The following GABRA1 variants were observed in gnomAD, a reference collection of about 807,000 sequenced individuals.
GABRA1 encodes gamma-aminobutyric acid receptor subunit alpha-1.
A neutral mutation model predicts 48.9 loss-of-function variants in GABRA1; 9 were observed. The observed-to-expected ratio is 0.18, with a 90% CI of 0.11 to 0.32. GABRA1 has a LOEUF of 0.32. Ranked by LOEUF, GABRA1 falls within the 10% of genes least tolerant of loss-of-function variation. The pLI, the probability that GABRA1 is intolerant of heterozygous loss-of-function variation, is 1.00. For synonymous variants in GABRA1, 210 were observed against 198.7 expected (o/e 1.06, Z -0.48); for missense variants, 285 against 553.8 (o/e 0.51, Z 4.87).
intron 6 of GABRA1, among the ~76,000 whole-genome samples, chr5:161,877,134 C>G (rs971662560): frequency 6.6e-6 from 1 of 152,112 alleles, no homozygotes; most frequent in African/African-American, 2.4e-5. Context: ...GTGGTATAGA[C>G]AGGGTCTAGC....
intron 7 of GABRA1, among the ~76,000 whole-genome samples, chr5:161,887,034 A>G (rs1038788094): frequency 3.3e-5 from 5 of 152,206 alleles, no homozygotes; most frequent in African/African-American, 1.2e-4. Context: ...CACGAAGCAT[A>G]ACAATATCAG....
intron 1 of GABRA1, chr5:161,850,382 C>T (rs1056299888): frequency 7.7e-6 from 3 of 390,898 alleles, no homozygotes; most frequent in African/African-American, 6.2e-5. Flanking sequence ...CTGTTAGAGA[C>T]ACCAGCTTAA....
intron 7 of GABRA1, among the ~76,000 whole-genome samples, chr5:161,884,000 C>T (rs1377876119): frequency 3.3e-5 from 5 of 152,006 alleles, no homozygotes; most frequent in South Asian, 2.1e-4. Flanking sequence ...CTGATCTTGT[C>T]GCTTAGAAGC....
At chr5:161,872,504 T>C (rs1727133068) in intron 4 of GABRA1, among the ~76,000 whole-genome samples, 3 of 148,198 alleles carry the variant, frequency 2.0e-5, no homozygotes, top group Admixed American at 2.0e-4. Context: ...GGATTCAAAT[T>C]ACCAGTAGAA....
intron 2 of GABRA1, 23 bp downstream of exon 2, chr5:161,850,907 C>A (rs775617494): frequency 5.0e-5 from 79 of 1,592,762 alleles, no homozygotes; most frequent in Non-Finnish European, 6.5e-5. Flanking sequence ...TTTTAAAAAT[C>A]TGCATGAAAA....
chr5:161,884,922 A>G (rs894699467), intron 7 of GABRA1, among the ~76,000 whole-genome samples: 1 of 152,138 alleles, frequency 6.6e-6, no homozygotes, highest in African/African-American at 2.4e-5. Context: ...TTGGCTTTCA[A>G]GGGATTCAAC....
chr5:161,848,337 C>T lies in GABRA1; in HGVS notation c.-101C>T, dbSNP rs1466171067. On this transcript the variant is annotated 5_prime_UTR_variant, in exon 1 of 10. Coordinates refer to ENST00000393943, the MANE Select transcript of GABRA1 (RefSeq NM_001127644.2). ...GCGCGCCCGGACTCGGACTCGCAGA[C>T]TCGCGCTGGCTCCAGTCTCTCCACG... The T allele has an allele frequency of 6.6e-6, 1 of 152,516 alleles. No individual in the cohort carries two copies. The highest frequency in any genetic ancestry group is 6.5e-5 in the Admixed American group (1 of 15,294). The allele number at this position is 152,516 out of a possible 1,614,324, so 9.4% of individuals were successfully genotyped here.
rs747892371 is a variant in GABRA1 at position 161,897,408 on chromosome 5, A to G, written c.1357A>G (p.Thr453Ala). 2 of 1,613,696 alleles carry G rather than the reference A, an allele frequency of 1.2e-6. No homozygotes were observed. Among genetic ancestry groups the G allele is most frequent in the African/African-American group, 1.3e-5 (1 of 74,914 alleles). The change falls in exon 10 of 10, where the codon ACA (threonine) becomes GCA (alanine). Residue 453 changes from threonine to alanine, a missense_variant. Thr to Ala is a moderately conservative substitution (Grantham distance 58, BLOSUM62 0). Transcript: ENST00000393943. ...LNREPQLKAP[T>A]PHQ ...CAGAGAGCCTCAGCTAAAAGCCCCC[A>G]CACCACATCAATAGATCTTTTACTC...
At chr5:161,852,237 TA>T (rs1757473032) in intron 2 of GABRA1, among the ~76,000 whole-genome samples, 1 of 152,032 alleles carries the variant, frequency 6.6e-6, no homozygotes. Context: ...AAAACATTTG[TA>T]AGACAAAACC....
At chr5:161,876,482 C>G (rs1754360133) in intron 6 of GABRA1, among the ~76,000 whole-genome samples, 1 of 152,066 alleles carries the variant, frequency 6.6e-6, no homozygotes, top group African/African-American at 2.4e-5. Flanking sequence ...GACAGGCAGT[C>G]TAAATGACTA....
chr5:161,879,936 A>C (rs1333200567), intron 6 of GABRA1, among the ~76,000 whole-genome samples: 1 of 152,216 alleles, frequency 6.6e-6, no homozygotes, highest in Non-Finnish European at 1.5e-5. Flanking sequence ...ACTTTTGCTA[A>C]CAGCAGTGCA....
intron 4 of GABRA1, among the ~76,000 whole-genome samples, chr5:161,867,277 A>G (rs1396660543): frequency 2.0e-5 from 3 of 152,134 alleles, no homozygotes; most frequent in African/African-American, 7.2e-5. Flanking sequence ...TTTTATAGTT[A>G]AGAATGCTTA....
chr5:161,870,333 G>C (rs1446132666), intron 4 of GABRA1, among the ~76,000 whole-genome samples: 8 of 151,982 alleles, frequency 5.3e-5, no homozygotes, highest in Non-Finnish European at 1.0e-4. Flanking sequence ...AGGCCGAGGC[G>C]GGCGGATCAC....
chr5:161,887,538 TGA>T (rs1167145160), intron 7 of GABRA1, among the ~76,000 whole-genome samples: 1 of 152,156 alleles, frequency 6.6e-6, no homozygotes, highest in Admixed American at 6.6e-5. Context: ...AGAACTATAA[TGA>T]GTGTCCCCTT....
Position 161,850,942 on chromosome 5 carries a change from A to AT in GABRA1, c.74+59dup, listed in dbSNP as rs574100093. ...ATTTCTGTAACTTTTCATTTATTTT[A>AT]TCGGGGGAAGAAAATTGTCCTCAAA... On this transcript the variant is annotated intron_variant, in intron 2 of 9. Coordinates refer to ENST00000393943, the MANE Select transcript of GABRA1 (RefSeq NM_001127644.2). The AT allele has an allele frequency of 9.4e-4, 1,341 of 1,430,702 alleles. 22 individuals carry two copies. In the South Asian group the frequency reaches 0.015, roughly 16 times the overall value. 88.6% of individuals were successfully genotyped at this position (1,430,702 alleles called of 1,614,324 possible).
At chr5:161,875,127 A>T (rs1341174923) in intron 5 of GABRA1, among the ~76,000 whole-genome samples, 1 of 152,170 alleles carries the variant, frequency 6.6e-6, no homozygotes, top group Non-Finnish European at 1.5e-5. Flanking sequence ...TTTTAGAGAA[A>T]GAAGCAGAGA....
chr5:161,862,928 C>A (rs1188787552), intron 3 of GABRA1, among the ~76,000 whole-genome samples: 3 of 151,814 alleles, frequency 2.0e-5, no homozygotes, highest in South Asian at 2.1e-4. Flanking sequence ...CGAGAAAAAT[C>A]AGTTTAAATC....
intron 6 of GABRA1, chr5:161,881,696 C>T (rs748325082): frequency 6.6e-6 from 1 of 152,082 alleles, no homozygotes; most frequent in African/African-American, 2.4e-5. Context: ...GCTACTGCCT[C>T]TAACCTCATT....
At chr5:161,886,223 G>C (rs1754838640) in intron 7 of GABRA1, among the ~76,000 whole-genome samples, 1 of 152,096 alleles carries the variant, frequency 6.6e-6, no homozygotes, top group Non-Finnish European at 1.5e-5. Context: ...AGGCATCAGA[G>C]ACACATGAGA....
Sources: allele counts gnomAD v4.1 joint callset (sites outside exome capture counted in the v4.1 genomes callset), GRCh38; gene constraint gnomAD v4.1.1; transcripts MANE v1.5; gene names NCBI Gene and HGNC (gene_info 2026-07-23, HGNC 2026-07-21).